Variants in MTMR12 observed in about 807,000 individuals in gnomAD.
MTMR12 encodes myotubularin related protein 12.
MTMR12 carries 33 observed loss-of-function variants against 96.7 expected under a neutral mutation model. That is an observed-to-expected ratio of 0.34 (90% CI 0.26 to 0.46). The LOEUF (loss-of-function observed/expected upper bound fraction) is 0.46, where lower values mean the gene tolerates loss of function less well. Ranked by LOEUF, MTMR12 falls within the 20% of genes least tolerant of loss-of-function variation. The pLI is 1.00. For missense variants in MTMR12, 721 were observed against 896.1 expected (o/e 0.80, Z 2.49); for synonymous variants, 298 against 327.2 (o/e 0.91, Z 0.96).
At chr5:32,298,952 C>CAAAA (rs766708610) in intron 1 of MTMR12, among the ~76,000 whole-genome samples, 1 of 54,648 alleles carries the variant, frequency 1.8e-5, no homozygotes. Context: ...GACTCCATCT[C>CAAAA]AAAAAAAAAA....
chr5:32,276,572 T>A (rs959433564), intron 2 of MTMR12, 110 bp downstream of exon 2: 1 of 884,976 alleles, frequency 1.1e-6, no homozygotes, highest in East Asian at 2.6e-5. Context: ...ATTACTGTTA[T>A]ATGTGAGAAG....
intron 7 of MTMR12, among the ~76,000 whole-genome samples, chr5:32,258,840 A>G (rs1749240693): frequency 1.4e-5 from 2 of 146,788 alleles, no homozygotes; most frequent in Admixed American, 1.4e-4. Context: ...TTCCCCAACT[A>G]GTGAGGTTGA....
intron 13 of MTMR12, 81 bp downstream of exon 13, chr5:32,238,920 A>C (rs1265407691): frequency 3.6e-6 from 5 of 1,378,370 alleles, no homozygotes; most frequent in Non-Finnish European, 4.8e-6. Flanking sequence ...CAGCAATCCT[A>C]CTACATCTGA....
intron 1 of MTMR12, among the ~76,000 whole-genome samples, chr5:32,285,357 CAAAAAA>C (rs35792337): frequency 1.8e-5 from 2 of 109,694 alleles, no homozygotes; most frequent in South Asian, 2.9e-4. Context: ...GATTCCATTT[CAAAAAA>C]AAAAAAAAAA....
chr5:32,267,377 G>GAAAAAAA lies in MTMR12; in HGVS notation c.583+1317_583+1323dup, dbSNP rs751223074. Among the ~76,000 whole-genome samples the GAAAAAAA allele has an allele frequency of 1.5e-3, 136 of 89,928 alleles. 1 individual carries two copies. The highest frequency in any genetic ancestry group is 2.5e-3 in the Non-Finnish European group (110 of 44,712). 59.0% of individuals were successfully genotyped at this position (89,928 alleles called of 152,430 possible). ...GGCGACAGTGGGAGACTCCATCTCAGAAAAAAAAAAAAAAAAAAAGAGTAA... is the reference window on the plus strand; with the variant it reads ...GGCGACAGTGGGAGACTCCATCTCAGAAAAAAAAAAAAAAAAAAAAAAAAAAGAGTAA... On this transcript the variant is annotated intron_variant, in intron 6 of 15. Transcript: ENST00000382142.
intron 2 of MTMR12, among the ~76,000 whole-genome samples, chr5:32,274,644 A>G (rs544419684): frequency 6.6e-6 from 1 of 152,226 alleles, no homozygotes; most frequent in African/African-American, 2.4e-5. Context: ...GGCAGCTTCC[A>G]TAGATCCAGG....
intron 7 of MTMR12, among the ~76,000 whole-genome samples, chr5:32,262,680 T>C (rs750511105): frequency 1.3e-5 from 2 of 152,096 alleles, no homozygotes; most frequent in African/African-American, 4.8e-5. Context: ...AATAATCCAA[T>C]AGTCCATCAA....
chr5:32,290,452 C>T (rs769057184), intron 1 of MTMR12, among the ~76,000 whole-genome samples: 2 of 152,134 alleles, frequency 1.3e-5, no homozygotes, highest in Non-Finnish European at 2.9e-5. Context: ...CGGTGGTGTG[C>T]GGCCTGTTGA....
At chr5:32,273,864 T>C in intron 3 of MTMR12, 116 bp downstream of exon 3, 1 of 1,426,070 alleles carries the variant, frequency 7.0e-7, no homozygotes, top group East Asian at 2.3e-5. Context: ...AGGATTTCTG[T>C]CCTTTGTGTT....
In MTMR12 at chr5:32,228,480, T is replaced by C. The variant is rs1747816207; in HGVS notation, c.*1298A>G. On this transcript the variant is annotated 3_prime_UTR_variant, in exon 16 of 16. Coordinates refer to ENST00000382142, the MANE Select transcript of MTMR12 (RefSeq NM_001040446.3). ...GGGTTCCACTGAGAACAAAAAAATC[T>C]GCTCCTTACAAAGTATACTTTCCTG... The C allele has an allele frequency of 6.8e-6, 1 of 147,618 alleles. No homozygotes were observed. The highest frequency in any genetic ancestry group is 6.8e-5 in the Admixed American group (1 of 14,618). 9.1% of individuals were successfully genotyped at this position (147,618 alleles called of 1,614,324 possible). A position where few individuals can be genotyped will look rare whatever the true frequency, so the allele number is the denominator to read the frequency against.
chr5:32,294,732 G>A (rs1750862039), intron 1 of MTMR12, among the ~76,000 whole-genome samples: 1 of 152,114 alleles, frequency 6.6e-6, no homozygotes, highest in Non-Finnish European at 1.5e-5. Context: ...TATAATTCCT[G>A]ACAAGACAGT....
At chr5:32,273,418 C>A (rs1389845431) in intron 3 of MTMR12, among the ~76,000 whole-genome samples, 1 of 152,050 alleles carries the variant, frequency 6.6e-6, no homozygotes, top group Non-Finnish European at 1.5e-5. Flanking sequence ...ACAGAGTGAA[C>A]CCAAATTCAA....
In MTMR12 at chr5:32,250,511, GCAGAAACCAC is replaced by G. The variant is rs1435322236; in HGVS notation, c.790-1643_790-1634del. On this transcript the variant is annotated intron_variant, in intron 8 of 15. Transcript: ENST00000382142. ...TTCTCAATGCCATGCTAAGCGATGT[GCAGAAACCAC>G]CATACAGTTTTCAGCTCTCTGCCTA... Among the ~76,000 whole-genome samples the G allele has an allele frequency of 2.0e-5, 3 of 152,306 alleles. No individual in the cohort carries two copies. The East Asian group carries it at 5.8e-4, about 29-fold the overall frequency.
chr5:32,263,749 T>C (rs34050693), intron 6 of MTMR12, among the ~76,000 whole-genome samples: 10,948 of 152,278 alleles, frequency 0.072, 514 homozygotes, highest in South Asian at 0.13. Flanking sequence ...GCTGTCTTTT[T>C]ACATTGTAGG....
intron 8 of MTMR12, among the ~76,000 whole-genome samples, chr5:32,250,857 A>G (rs74717578): frequency 0.038 from 5,769 of 152,248 alleles, 185 homozygotes; most frequent in African/African-American, 0.081. Context: ...ATAGAAAAAA[A>G]CAAAGTTCCT....
chr5:32,298,158 T>C (rs979932314), intron 1 of MTMR12, among the ~76,000 whole-genome samples: 1 of 152,134 alleles, frequency 6.6e-6, no homozygotes, highest in Admixed American at 6.5e-5. Flanking sequence ...TGTGGGCATC[T>C]GGGGGTGGTG....
rs1554056257 is a variant in MTMR12 at position 32,246,174 on chromosome 5, T to TTTTTTGTTTGTTTG, written c.1021+1827_1021+1828insCAAACAAACAAAAA. ...TCGGTGCCTATTGAGTAGACAGTTTTTTTTTTTTTTGAGATGGAGTCTTGC... is the reference window on the plus strand; with the variant it reads ...TCGGTGCCTATTGAGTAGACAGTTTTTTTTTGTTTGTTTGTTTTTTTTTTGAGATGGAGTCTTGC... On this transcript the variant is annotated intron_variant, in intron 10 of 15. Transcript: ENST00000382142. Among the ~76,000 whole-genome samples, 21 of 149,688 alleles carry TTTTTTGTTTGTTTG rather than the reference T, an allele frequency of 1.4e-4. 1 individual carries two copies. Among genetic ancestry groups the TTTTTTGTTTGTTTG allele is most frequent in the Admixed American group, 7.3e-4 (11 of 15,098 alleles).
Position 32,273,969 on chromosome 5 carries a change from C to T in MTMR12, c.285+11G>A. 6.2e-7 allele frequency: 1 copy of T among 1,613,864 alleles called. No individual in the cohort carries two copies. Among genetic ancestry groups the T allele is most frequent in the Non-Finnish European group, 8.5e-7 (1 of 1,179,904 alleles). On this transcript the variant is annotated intron_variant, in intron 3 of 15. Transcript: ENST00000382142. Reference sequence around the variant, plus strand: ...TGCCCACAAACTCTGCCAAATGCAGCCCATACATACATCATTATCCAATGC... The same window carrying T: ...TGCCCACAAACTCTGCCAAATGCAGTCCATACATACATCATTATCCAATGC...
At chr5:32,275,094 A>G (rs966339880) in intron 2 of MTMR12, among the ~76,000 whole-genome samples, 9 of 152,086 alleles carry the variant, frequency 5.9e-5, no homozygotes, top group Admixed American at 5.9e-4. Flanking sequence ...CTTTAAATTT[A>G]CTTTTTGGCT....
Sources: gnomAD v4.1 joint callset for allele counts (sites outside exome capture counted in the v4.1 genomes callset) on GRCh38, gnomAD v4.1.1 for gene constraint, MANE v1.5 for transcripts, NCBI Gene and HGNC (gene_info 2026-07-23, HGNC 2026-07-21) for gene names.